CCDC59: variants seen among roughly 807,000 people sequenced by gnomAD.
CCDC59 encodes the protein coiled-coil domain containing 59.
A neutral mutation model predicts 30.5 loss-of-function variants in CCDC59; 27 were observed. That is an observed-to-expected ratio of 0.89 (90% CI 0.65 to 1.22). The LOEUF is 1.22. Ranked by LOEUF, CCDC59 falls within the 50% of genes most tolerant of loss-of-function variation. The probability of loss-of-function intolerance (pLI) is 0.00; values close to 1 mark genes in which losing one functional copy is unlikely to be tolerated. For missense variants in CCDC59, 362 were observed against 284.4 expected (o/e 1.27, Z -1.96); for synonymous variants, 125 against 100.9 (o/e 1.24, Z -1.43).
chr12:82,354,705 G>A, intron 2 of CCDC59, 111 bp from the exon 3 acceptor site: 4 of 800,988 alleles, frequency 5.0e-6, no homozygotes, highest in Non-Finnish European at 5.2e-6. Context: ...GGCACAAATG[G>A]GGATTCTTAG....
In CCDC59 at chr12:82,358,313, C is replaced by A; in HGVS notation, c.64G>T (p.Val22Phe). The change falls in exon 1 of 4, where the codon GTT becomes TTT. Residue 22 changes from valine (V) to phenylalanine (F), a missense_variant. Transcript: ENST00000256151. The part of the protein sequence containing the change: ...PGGIEARGEG[V>F]STVGYRNKNV... Reference sequence around the variant, plus strand: ...TTATTCCTGTACCCGACAGTGGAAACCCCTTCACCACGCGCCTCAATACCA... The same window carrying A: ...TTATTCCTGTACCCGACAGTGGAAAACCCTTCACCACGCGCCTCAATACCA... 15 of 1,614,178 alleles carry A rather than the reference C, an allele frequency of 9.3e-6. No individual in the cohort carries two copies. Among genetic ancestry groups the A allele is most frequent in the Non-Finnish European group, 1.3e-5 (15 of 1,180,034 alleles).
Position 82,353,319 on chromosome 12 carries a change from T to C in CCDC59, c.565-7A>G. 6.3e-7 allele frequency: 1 copy of C among 1,590,432 alleles called. No individual in the cohort carries two copies. Among genetic ancestry groups the C allele is most frequent in the Non-Finnish European group, 8.5e-7 (1 of 1,171,588 alleles). On this transcript the variant is annotated splice_region_variant and splice_polypyrimidine_tract_variant and intron_variant, in intron 3 of 3. Transcript: ENST00000256151. ...GTTTTCTCCTCTCGAATTCCTAAAA[T>C]TATTAACATATGTAACTTTCATTAG...
At chr12:82,357,306 G>C in intron 1 of CCDC59, 37 bp from the exon 2 acceptor site, 6 of 1,543,552 alleles carry the variant, frequency 3.9e-6, no homozygotes, top group Non-Finnish European at 5.3e-6. Flanking sequence ...TACTTTCAGA[G>C]AAAAGAAGTT....
intron 2 of CCDC59, 116 bp downstream of exon 2, chr12:82,356,844 C>T (rs957658952): frequency 8.9e-6 from 7 of 789,352 alleles, no homozygotes; most frequent in Admixed American, 3.2e-5. Flanking sequence ...CTAATTAAAC[C>T]GTGACTTCTA....
At chr12:82,357,405 T>A in intron 1 of CCDC59, 136 bp from the exon 2 acceptor site, 2 of 734,616 alleles carry the variant, frequency 2.7e-6, no homozygotes, top group South Asian at 1.9e-5. Flanking sequence ...CTTTAAAAAA[T>A]TATTTCAAGC....
upstream of CCDC59, chr12:82,358,795 G>GCCC (rs1565789171): frequency 6.8e-6 from 11 of 1,613,316 alleles, no homozygotes; most frequent in Non-Finnish European, 5.1e-6. Context: ...TCAGAGACGC[G>GCCC]CCCCCTAGTG....
At chr12:82,358,434 C>T (rs1881245152), upstream of CCDC59, 2 of 1,607,238 alleles carry the variant, frequency 1.2e-6, no homozygotes, top group Non-Finnish European at 1.7e-6. Context: ...AAATACGTCA[C>T]CAAGCCGAAG....
intron 2 of CCDC59, 56 bp downstream of exon 2, chr12:82,356,904 G>A (rs1000811419): frequency 5.3e-6 from 7 of 1,325,640 alleles, no homozygotes; most frequent in Admixed American, 2.1e-5. Context: ...TTATCCTATA[G>A]TACTTTTAAA....
At chr12:82,353,583 T>C (rs1420250596) in intron 3 of CCDC59, among the ~76,000 whole-genome samples, 1 of 152,146 alleles carries the variant, frequency 6.6e-6, no homozygotes, top group Non-Finnish European at 1.5e-5. Flanking sequence ...TACAGCATAA[T>C]GGTCATTACT....
chr12:82,356,194 T>C (rs1053282790), intron 2 of CCDC59: 3 of 152,226 alleles, frequency 2.0e-5, no homozygotes, highest in Admixed American at 6.5e-5. Flanking sequence ...CTTGCAATTT[T>C]AGATTTTAGC....
intron 1 of CCDC59, 73 bp downstream of exon 1, chr12:82,358,150 C>G: frequency 6.4e-7 from 1 of 1,568,314 alleles, no homozygotes; most frequent in Non-Finnish European, 8.7e-7. Flanking sequence ...ATCCTTCTTC[C>G]AAGCTTCAGC....
At chr12:82,354,380 A>C in intron 3 of CCDC59, 115 bp downstream of exon 3, 2 of 725,874 alleles carry the variant, frequency 2.8e-6, no homozygotes, top group Non-Finnish European at 4.1e-6. Context: ...TTCATTCAAC[A>C]AATATTTACA....
rs1880869030 is a variant in CCDC59 at position 82,352,867 on chromosome 12, A to G, written c.*284T>C. 1 of 214,478 alleles carries G rather than the reference A, an allele frequency of 4.7e-6. No individual in the cohort carries two copies. The highest frequency in any genetic ancestry group is 1.7e-4 in the South Asian group (1 of 5,718). The allele number at this position is 214,478 out of a possible 1,614,324, so 13.3% of individuals were successfully genotyped here. ...CTTATTTTTAAAAAATTTATTTCAT[A>G]TAAATCTCATATGGTACAAAAGTAT... On this transcript the variant is annotated 3_prime_UTR_variant, in exon 4 of 4. Coordinates refer to ENST00000256151, the MANE Select transcript of CCDC59 (RefSeq NM_014167.5).
At chr12:82,358,631 A>T, upstream of CCDC59, 2 of 1,613,996 alleles carry the variant, frequency 1.2e-6, no homozygotes, top group South Asian at 2.2e-5. Flanking sequence ...AGTTGCAGGG[A>T]CTGCTGCAGT....
intron 2 of CCDC59, 92 bp from the exon 3 acceptor site, chr12:82,354,686 TAAATA>T: frequency 9.3e-7 from 1 of 1,076,700 alleles, no homozygotes; most frequent in Non-Finnish European, 1.2e-6. Flanking sequence ...GAGTATATAT[TAAATA>T]AAAGGCACAA....
At chr12:82,358,564 T>C, upstream of CCDC59, 1 of 1,609,384 alleles carries the variant, frequency 6.2e-7, no homozygotes, top group Non-Finnish European at 8.5e-7. Flanking sequence ...AGGGTGAGCG[T>C]CATGGCGGCT....
At position 82,357,162 on chromosome 12, in the gene CCDC59, G is replaced by C. The variant is rs770579295; in HGVS notation, c.262C>G (p.Arg88Gly). The C allele has an allele frequency of 6.2e-7, 1 of 1,613,996 alleles. No individual in the cohort carries two copies. Among genetic ancestry groups the C allele is most frequent in the African/African-American group, 1.3e-5 (1 of 75,038 alleles). ...QTSLESQFTD[R>G]YPDNLKHLYL... is the part of the protein sequence containing the mutation. ...AGATGTTTCAGATTATCTGGGTATC[G>C]ATCTGTGAATTGAGATTCCAGTGAC... Residue 88 changes from arginine to glycine, a missense_variant, in exon 2 of 4, where the codon CGA (arginine) becomes GGA (glycine). Physicochemically the swap from Arg to Gly is moderately radical, Grantham distance 125. Transcript: ENST00000256151.
chr12:82,358,680 G>A (rs975404727), upstream of CCDC59: 2 of 1,614,058 alleles, frequency 1.2e-6, no homozygotes, highest in Non-Finnish European at 8.5e-7. Flanking sequence ...TGCACATACC[G>A]TGGATTTCTA....
Position 82,358,209 on chromosome 12 carries a change from G to A in CCDC59, c.154+14C>T, listed in dbSNP as rs376132982. On this transcript the variant is annotated intron_variant, in intron 1 of 3. Transcript: ENST00000256151. ...CAAGCCTGAGGATTTGCAAATGGTT[G>A]CCTTCTTACATACCCTCGCGAACGC... 6.2e-6 allele frequency: 10 copies of A among 1,613,924 alleles called. No individual in the cohort carries two copies. In the African/African-American group the frequency reaches 8.0e-5, roughly 13 times the overall value.
Sources: gnomAD v4.1 joint callset for allele counts (sites outside exome capture counted in the v4.1 genomes callset) on GRCh38, gnomAD v4.1.1 for gene constraint, MANE v1.5 for transcripts, NCBI Gene and HGNC (gene_info 2026-07-23, HGNC 2026-07-21) for gene names.